NAB1: variants seen among roughly 807,000 people sequenced by gnomAD.
NAB1 encodes NGFI-A binding protein 1, also known as NGFI-A-binding protein 1.
Under a neutral mutation model 49.9 loss-of-function variants are expected in NAB1, and 25 were observed. The observed-to-expected ratio is 0.50, with a 90% confidence interval of 0.37 to 0.70. The LOEUF (loss-of-function observed/expected upper bound fraction) is 0.70. Among genes scored for constraint, NAB1 ranks in the 30% least tolerant of loss-of-function variants. The pLI is 0.00. For synonymous variants in NAB1, 198 were observed against 215.6 expected (o/e 0.92, Z 0.71); for missense variants, 489 against 575.9 (o/e 0.85, Z 1.54).
intron 4 of NAB1, 53 bp downstream of exon 4, chr2:190,660,048 G>T: frequency 6.7e-7 from 1 of 1,501,010 alleles, no homozygotes. Flanking sequence ...GTTGCTAGTC[G>T]TTAGAGATAA....
rs773415573 is a variant in NAB1 at position 190,651,854 on chromosome 2, A to C, written c.-197+1872A>C. On this transcript the variant is annotated intron_variant, in intron 2 of 9. Coordinates refer to ENST00000337386, the MANE Select transcript of NAB1 (RefSeq NM_005966.4). The surrounding 1 kb of genome is among the most constrained non-coding windows in gnomAD (Gnocchi z 4.3). ...TTAAGATCATGCTAATGTATAATCA[A>C]CCCGTCTATGCATATTTCATTGTGG... Among the ~76,000 whole-genome samples, 9 of 152,228 alleles carry C rather than the reference A, an allele frequency of 5.9e-5. No homozygotes were observed. Among genetic ancestry groups the C allele is most frequent in the African/African-American group, 1.9e-4 (8 of 41,464 alleles).
At chr2:190,690,112 T>C (rs780946730) in intron 9 of NAB1, 133 bp from the exon 10 acceptor site, 42 of 629,760 alleles carry the variant, frequency 6.7e-5, no homozygotes, top group Non-Finnish European at 1.0e-4. Context: ...ACAAAAATTT[T>C]GCATGGAATT....
chr2:190,687,400 A>C (rs1380629412), intron 9 of NAB1, 83 bp downstream of exon 9: 109 of 384,852 alleles, frequency 2.8e-4, no homozygotes, highest in Middle Eastern at 7.6e-4. Flanking sequence ...CCCATCAAAA[A>C]AAAAAAAAAA....
intron 5 of NAB1, among the ~76,000 whole-genome samples, chr2:190,671,769 CTTTTTTTT>C (rs1177937369): frequency 1.8e-4 from 13 of 71,752 alleles, no homozygotes; most frequent in Admixed American, 1.7e-3. Flanking sequence ...TTCACCTTTC[CTTTTTTTT>C]TTTTTTTTTT....
rs940402284 is a variant in NAB1, at chr2:190,689,039, C to T, written c.1376-1206C>T. Among the ~76,000 whole-genome samples, 21 of 152,090 alleles carry T rather than the reference C, an allele frequency of 1.4e-4. No individual in the cohort carries two copies. Among genetic ancestry groups the T allele is most frequent in the African/African-American group, 3.9e-4 (16 of 41,504 alleles). On this transcript the variant is annotated intron_variant, in intron 9 of 9. Coordinates refer to ENST00000337386, the MANE Select transcript of NAB1 (RefSeq NM_005966.4). This position sits in a 1 kb window ranked among gnomAD's most constrained non-coding sequence, Gnocchi z 4.3. The stretch of plus-strand genomic sequence containing the variant: ...ATTTTTAGTAGAGACGGGGTTTTAC[C>T]GTGGTCTCAATCTCCTGACCTTGTG...
At chr2:190,683,970 G>A (rs1457789871) in intron 7 of NAB1, 143 bp downstream of exon 7, 2 of 671,764 alleles carry the variant, frequency 3.0e-6, no homozygotes, top group East Asian at 5.6e-5. Flanking sequence ...CTGAGCCACA[G>A]CTGTATCAAC....
chr2:190,666,870 T>G lies in NAB1; in HGVS notation c.820-3456T>G, dbSNP rs1694547351. On this transcript the variant is annotated intron_variant, in intron 4 of 9. Coordinates refer to ENST00000337386, the MANE Select transcript of NAB1 (RefSeq NM_005966.4). This position sits in a 1 kb window ranked among gnomAD's most constrained non-coding sequence, Gnocchi z 5.6. ...TAGAGTATTGGCATTCAGAAAAAGCTAACAGTGCTGCTGCAAGTGACGGGA... is the reference window on the plus strand; with the variant it reads ...TAGAGTATTGGCATTCAGAAAAAGCGAACAGTGCTGCTGCAAGTGACGGGA... Among the ~76,000 whole-genome samples, 5 of 152,210 alleles carry G rather than the reference T, an allele frequency of 3.3e-5. No individual in the cohort carries two copies. The South Asian group carries it at 1.0e-3, about 31-fold the overall frequency.
rs1474892186 is a variant in NAB1 at position 190,686,744 on chromosome 2, T to C, written c.1259-457T>C. On this transcript the variant is annotated intron_variant, in intron 8 of 9. Transcript: ENST00000337386. The surrounding 1 kb of genome is among the most constrained non-coding windows in gnomAD (Gnocchi z 5.5). The stretch of plus-strand genomic sequence containing the variant: ...GACAACATGATTGGGTGTATAATTT[T>C]TTCCCATATTTGTGCTAAATCTGTT... Among the ~76,000 whole-genome samples the C allele has an allele frequency of 6.6e-6, 1 of 152,180 alleles. No homozygotes were observed. Among genetic ancestry groups the C allele is most frequent in the Non-Finnish European group, 1.5e-5 (1 of 68,028 alleles).
chr2:190,655,989 G>A lies in NAB1; in HGVS notation c.-184G>A, dbSNP rs1693900745. ...ATTCTTTTTATAGGACTGAGCAGGG[G>A]GAGGAACATTTAAGCTGATGGAAGT... On this transcript the variant is annotated 5_prime_UTR_variant, in exon 3 of 10. Coordinates refer to ENST00000337386, the MANE Select transcript of NAB1 (RefSeq NM_005966.4). The A allele has an allele frequency of 1.3e-5, 2 of 152,234 alleles. No homozygotes were observed. The highest frequency in any genetic ancestry group is 1.3e-4 in the Admixed American group (2 of 15,288). 9.4% of individuals were successfully genotyped at this position (152,234 alleles called of 1,614,324 possible).
At position 190,677,388 on chromosome 2, in the gene NAB1, C is replaced by CT. The variant is rs1169579372; in HGVS notation, c.1005+4237dup. The CT allele has an allele frequency of 6.6e-6, 1 of 152,054 alleles. No individual in the cohort carries two copies. Among genetic ancestry groups the CT allele is most frequent in the Non-Finnish European group, 1.5e-5 (1 of 68,008 alleles). 9.4% of individuals were successfully genotyped at this position (152,054 alleles called of 1,614,324 possible). On this transcript the variant is annotated intron_variant, in intron 6 of 9. Transcript: ENST00000337386. The surrounding 1 kb of genome is among the most constrained non-coding windows in gnomAD (Gnocchi z 5.6). ...CTAGCTTAGGTGTGCCTTAAGGAAC[C>CT]TACCATTTGGAATGAAATCTCTAGG...
Position 190,654,095 on chromosome 2 carries a change from G to C in NAB1, c.-196-1882G>C, listed in dbSNP as rs1365291046. ...GTTTCATTGCACAGCAACCTTTCCA[G>C]AGATGTTATTCATCATTGAAACTTT... On this transcript the variant is annotated intron_variant, in intron 2 of 9. Transcript: ENST00000337386. The surrounding 1 kb of genome is among the most constrained non-coding windows in gnomAD (Gnocchi z 5.6). 2.6e-5 allele frequency among the ~76,000 whole-genome samples: 4 copies of C among 152,180 alleles called. No individual in the cohort carries two copies. The highest frequency in any genetic ancestry group is 9.7e-5 in the African/African-American group (4 of 41,432).
rs751168846 is a variant in NAB1 at position 190,652,478 on chromosome 2, G to A, written c.-197+2496G>A. ...ACATAGTTATCATTTAGCAAAATCT[G>A]GTTTAGTTTTTTCTAATTTTGGCAA... is the stretch of plus-strand genomic sequence containing the variant. On this transcript the variant is annotated intron_variant, in intron 2 of 9. Coordinates refer to ENST00000337386, the MANE Select transcript of NAB1 (RefSeq NM_005966.4). The surrounding 1 kb of genome is among the most constrained non-coding windows in gnomAD (Gnocchi z 4.2). 2.6e-5 allele frequency among the ~76,000 whole-genome samples: 4 copies of A among 152,030 alleles called. No individual in the cohort carries two copies. Among genetic ancestry groups the A allele is most frequent in the Non-Finnish European group, 5.9e-5 (4 of 67,988 alleles).
chr2:190,691,629 A>G lies in NAB1; in HGVS notation c.*1296A>G. The stretch of plus-strand genomic sequence containing the variant: ...CATTGGAATTCATAATGGTAAAACA[A>G]CATACATCTGCCAATATACGTTTTT... On this transcript the variant is annotated 3_prime_UTR_variant, in exon 10 of 10. Coordinates refer to ENST00000337386, the MANE Select transcript of NAB1 (RefSeq NM_005966.4). The surrounding 1 kb of genome is among the most constrained non-coding windows in gnomAD (Gnocchi z 4.1). 6.6e-6 allele frequency: 1 copy of G among 152,168 alleles called. No homozygotes were observed. Among genetic ancestry groups the G allele is most frequent in the East Asian group, 1.9e-4 (1 of 5,204 alleles). The allele number at this position is 152,168 out of a possible 1,614,324, so 9.4% of individuals were successfully genotyped here.
chr2:190,685,136 T>A lies in NAB1; in HGVS notation c.1096-340T>A, dbSNP rs898148791. ...AGTGTTAGAAGTAGTTTATAGCAGATGTTGCTGTTGCTTTTAGATTTCTGT... is the reference window on the plus strand; with the variant it reads ...AGTGTTAGAAGTAGTTTATAGCAGAAGTTGCTGTTGCTTTTAGATTTCTGT... On this transcript the variant is annotated intron_variant, in intron 7 of 9. Transcript: ENST00000337386. This position sits in a 1 kb window ranked among gnomAD's most constrained non-coding sequence, Gnocchi z 4.5. 3.7e-4 allele frequency among the ~76,000 whole-genome samples: 57 copies of A among 152,348 alleles called. No homozygotes were observed. The highest frequency in any genetic ancestry group is 1.3e-3 in the African/African-American group (55 of 41,584).
At chr2:190,665,842 C>G (rs1399498656) in intron 4 of NAB1, among the ~76,000 whole-genome samples, 2 of 152,074 alleles carry the variant, frequency 1.3e-5, no homozygotes, top group Non-Finnish European at 2.9e-5. Context: ...GGGGTACAGA[C>G]GTATTTCTAA....
rs934821451 is a variant in NAB1 at position 190,692,293 on chromosome 2, A to G, written c.*1960A>G. ...GATTTTCATAAGCCACAATTTTAAA[A>G]GATGCAGTAATCTTCCAACTTCCAA... On this transcript the variant is annotated 3_prime_UTR_variant, in exon 10 of 10. Transcript: ENST00000337386. This position sits in a 1 kb window ranked among gnomAD's most constrained non-coding sequence, Gnocchi z 5.2. 1.3e-5 allele frequency: 2 copies of G among 152,640 alleles called. No individual in the cohort carries two copies. Among genetic ancestry groups the G allele is most frequent in the African/African-American group, 4.8e-5 (2 of 41,458 alleles). 9.5% of individuals were successfully genotyped at this position (152,640 alleles called of 1,614,324 possible). A position where few individuals can be genotyped will look rare whatever the true frequency, so the allele number is the denominator to read the frequency against.
At chr2:190,668,544 G>C (rs961857963) in intron 4 of NAB1, among the ~76,000 whole-genome samples, 4 of 151,840 alleles carry the variant, frequency 2.6e-5, no homozygotes, top group Non-Finnish European at 5.9e-5. Context: ...TTAATACATC[G>C]GTAGAAATGA....
intron 5 of NAB1, 87 bp from the exon 6 acceptor site, chr2:190,673,014 G>A (rs1312205466): frequency 8.3e-7 from 1 of 1,201,174 alleles, no homozygotes; most frequent in East Asian, 2.3e-5. Context: ...ATATGTTTTG[G>A]TGGAAGGTTA....
Position 190,667,830 on chromosome 2 carries a change from A to G in NAB1, c.820-2496A>G, listed in dbSNP as rs982127509. On this transcript the variant is annotated intron_variant, in intron 4 of 9. Transcript: ENST00000337386. This position sits in a 1 kb window ranked among gnomAD's most constrained non-coding sequence, Gnocchi z 4.4. ...TTAGACTAAATTATGGAACATTTAT[A>G]TATTATTAGAGTAGGAAGAGATTTT... Among the ~76,000 whole-genome samples, 1 of 152,162 alleles carries G rather than the reference A, an allele frequency of 6.6e-6. No individual in the cohort carries two copies. Among genetic ancestry groups the G allele is most frequent in the South Asian group, 2.1e-4 (1 of 4,834 alleles).
Sources: allele counts gnomAD v4.1 joint callset (sites outside exome capture counted in the v4.1 genomes callset), GRCh38; gene constraint gnomAD v4.1.1; non-coding constraint Gnocchi (gnomAD v3.1); transcripts MANE v1.5; gene names NCBI Gene and HGNC (gene_info 2026-07-23, HGNC 2026-07-21).